Variants in WWOX observed in about 807,000 individuals in gnomAD.
WWOX encodes WW domain-containing oxidoreductase.
WWOX carries 69 observed loss-of-function variants against 46.2 expected under a neutral mutation model. The ratio of observed to expected loss-of-function variants is 1.49; its 90% CI spans 1.23 to 1.82. The LOEUF is 1.82. Among genes scored for constraint, WWOX ranks in the 40% most tolerant of loss-of-function variants. The probability of loss-of-function intolerance (pLI) is 0.00; values close to 1 mark genes in which losing one functional copy is unlikely to be tolerated. For synonymous variants in WWOX, 359 were observed against 202.6 expected (o/e 1.77, Z -6.56); for missense variants, 919 against 542.6 (o/e 1.69, Z -6.89).
intron 8 of WWOX, among the ~76,000 whole-genome samples, chr16:79,096,533 G>T (rs2049077820): frequency 6.6e-6 from 1 of 152,098 alleles, no homozygotes; most frequent in African/African-American, 2.4e-5. Flanking sequence ...TCCTTTCTCT[G>T]TTACCTTCGG....
At chr16:78,759,901 C>G (rs2049748772) in intron 8 of WWOX, among the ~76,000 whole-genome samples, 1 of 152,112 alleles carries the variant, frequency 6.6e-6, no homozygotes, top group South Asian at 2.1e-4. Context: ...TTTTTCAGCT[C>G]ACGGCCACAG....
chr16:78,937,452 T>G (rs1163990356), intron 8 of WWOX, among the ~76,000 whole-genome samples: 3 of 71,748 alleles, frequency 4.2e-5, no homozygotes, highest in African/African-American at 1.9e-4. Flanking sequence ...TATTAACTTT[T>G]TTTTTTTTTT....
At chr16:78,578,748 G>A (rs928046143) in intron 8 of WWOX, among the ~76,000 whole-genome samples, 1 of 152,088 alleles carries the variant, frequency 6.6e-6, no homozygotes, top group Non-Finnish European at 1.5e-5. Flanking sequence ...ACAAGTAAAT[G>A]GAAATGAATA....
At chr16:78,655,125 T>A (rs1033141575) in intron 8 of WWOX, among the ~76,000 whole-genome samples, 1 of 152,112 alleles carries the variant, frequency 6.6e-6, no homozygotes, top group African/African-American at 2.4e-5. Context: ...TTAAGGAAAC[T>A]CGGCTCAAAC....
intron 8 of WWOX, among the ~76,000 whole-genome samples, chr16:79,200,561 G>C (rs946730813): frequency 6.6e-6 from 1 of 152,080 alleles, no homozygotes; most frequent in Non-Finnish European, 1.5e-5. Context: ...GATATTGTGC[G>C]AATCAGAAGT....
chr16:79,149,069 G>A (rs1458342865), intron 8 of WWOX, among the ~76,000 whole-genome samples: 5 of 152,084 alleles, frequency 3.3e-5, no homozygotes, highest in Non-Finnish European at 7.4e-5. Flanking sequence ...CCTGTGCTAT[G>A]TTGAACAAGA....
At chr16:78,284,527 C>G (rs192346199) in intron 5 of WWOX, among the ~76,000 whole-genome samples, 1 of 152,154 alleles carries the variant, frequency 6.6e-6, no homozygotes. Context: ...TCAAATGTCA[C>G]TTACTTCTTG....
intron 5 of WWOX, among the ~76,000 whole-genome samples, chr16:78,295,187 T>C (rs1464641286): frequency 6.6e-6 from 1 of 151,872 alleles, no homozygotes; most frequent in Non-Finnish European, 1.5e-5. Context: ...TGAAGATGTA[T>C]CATCTACAAC....
At chr16:78,807,109 G>T (rs1343120860) in intron 8 of WWOX, among the ~76,000 whole-genome samples, 1 of 152,194 alleles carries the variant, frequency 6.6e-6, no homozygotes, top group African/African-American at 2.4e-5. Flanking sequence ...TGCTCAATAA[G>T]TCTTTGGTGG....
intron 8 of WWOX, among the ~76,000 whole-genome samples, chr16:78,997,047 C>T (rs2047004315): frequency 1.3e-5 from 2 of 152,160 alleles, no homozygotes; most frequent in Admixed American, 6.6e-5. Context: ...ATAGTGCTGC[C>T]ACAGAGCGGC....
chr16:79,017,238 G>T (rs922093164), intron 8 of WWOX: 3 of 151,842 alleles, frequency 2.0e-5, no homozygotes, highest in Non-Finnish European at 4.4e-5. Context: ...AGACCATCCT[G>T]GCTAACACAG....
At chr16:78,649,599 A>G (rs367677215) in intron 8 of WWOX, among the ~76,000 whole-genome samples, 63 of 152,190 alleles carry the variant, frequency 4.1e-4, no homozygotes, top group Non-Finnish European at 8.4e-4. Context: ...GTTAATACAT[A>G]CCATGACCTT....
At chr16:78,486,917 A>G (rs1243524439) in intron 8 of WWOX, among the ~76,000 whole-genome samples, 3 of 152,158 alleles carry the variant, frequency 2.0e-5, no homozygotes, top group African/African-American at 7.2e-5. Flanking sequence ...GGTGAAGTTG[A>G]TGATCTATTC....
At chr16:79,034,469 C>T (rs1388767130) in intron 8 of WWOX, among the ~76,000 whole-genome samples, 2 of 152,204 alleles carry the variant, frequency 1.3e-5, no homozygotes, top group Admixed American at 6.5e-5. Context: ...TAAACAGCTG[C>T]ATCTTTTGGG....
rs141146496 is a variant in WWOX at position 78,911,110 on chromosome 16, C to T, written c.1057-300498C>T. Among the ~76,000 whole-genome samples, 185 of 152,132 alleles carry T rather than the reference C, an allele frequency of 1.2e-3. 1 individual carries two copies. Among genetic ancestry groups the T allele is most frequent in the African/African-American group, 4.0e-3 (167 of 41,560 alleles). On this transcript the variant is annotated intron_variant, in intron 8 of 8. Coordinates refer to ENST00000566780, the MANE Select transcript of WWOX (RefSeq NM_016373.4). ...CCTCCCTTCTTGTTCTCCCCAGTTG[C>T]AGACCTCAGACAGGAGTCTGCTTGT...
intron 5 of WWOX, among the ~76,000 whole-genome samples, chr16:78,260,239 T>C (rs1321914581): frequency 6.6e-6 from 1 of 151,450 alleles, no homozygotes; most frequent in Non-Finnish European, 1.5e-5. Flanking sequence ...ACAGCAGTGT[T>C]ACTGGGAAGA....
In WWOX at chr16:78,102,816, C is replaced by T. The variant is rs141547075; in HGVS notation, c.107+2931C>T. 6.1e-3 allele frequency among the ~76,000 whole-genome samples: 924 copies of T among 151,894 alleles called. 37 individuals are homozygous for T. Among genetic ancestry groups the T allele is most frequent in the Admixed American group, 0.055 (838 of 15,280 alleles). The stretch of plus-strand genomic sequence containing the variant: ...TCCCCAGTGCTTGGCACCCAGAAGC[C>T]ATAAGATGAGCCCCTGTGGGATGAG... On this transcript the variant is annotated intron_variant, in intron 1 of 8. Coordinates refer to ENST00000566780, the MANE Select transcript of WWOX (RefSeq NM_016373.4).
chr16:78,744,569 T>C (rs1025913565), intron 8 of WWOX, among the ~76,000 whole-genome samples: 5 of 151,674 alleles, frequency 3.3e-5, no homozygotes, highest in African/African-American at 1.2e-4. Flanking sequence ...GTAGCTGGGA[T>C]TACAGGCACC....
At chr16:78,631,279 T>G (rs2063867895) in intron 8 of WWOX, among the ~76,000 whole-genome samples, 1 of 152,044 alleles carries the variant, frequency 6.6e-6, no homozygotes, top group African/African-American at 2.4e-5. Context: ...CACCCAAGAT[T>G]CTCCGTGGCT....
Sources: allele counts gnomAD v4.1 joint callset (sites outside exome capture counted in the v4.1 genomes callset), GRCh38; gene constraint gnomAD v4.1.1; transcripts MANE v1.5; gene names NCBI Gene and HGNC (gene_info 2026-07-23, HGNC 2026-07-21).